PPARGC1A: variants seen among roughly 807,000 people sequenced by gnomAD.
PPARGC1A encodes the protein peroxisome proliferator-activated receptor gamma coactivator 1-alpha.
Under a neutral mutation model 88.7 loss-of-function variants are expected in PPARGC1A, and 25 were observed. That is an observed-to-expected ratio of 0.28 (90% confidence interval 0.21 to 0.39). PPARGC1A has a LOEUF of 0.39. Ranked by LOEUF, PPARGC1A falls within the 10% of genes least tolerant of loss-of-function variation. PPARGC1A has a pLI of 1.00. For synonymous variants in PPARGC1A, 363 were observed against 355.6 expected (o/e 1.02, Z -0.24); for missense variants, 880 against 968.7 (o/e 0.91, Z 1.22).
chr4:23,969,263 T>C, the PPARGC1A span, among the ~76,000 whole-genome samples: 1 of 152,228 alleles, frequency 6.6e-6, no homozygotes, highest in Non-Finnish European at 1.5e-5. Context: ...GAGGGCTTAC[T>C]GTGTACGCTG....
intron 7 of PPARGC1A, among the ~76,000 whole-genome samples, chr4:23,815,421 T>G (rs1721803895): frequency 6.6e-6 from 1 of 152,060 alleles, no homozygotes; most frequent in Non-Finnish European, 1.5e-5. Context: ...CAGCCGACCA[T>G]TTTATATAGA....
At chr4:24,401,082 G>A in the PPARGC1A span, among the ~76,000 whole-genome samples, 1 of 142,340 alleles carries the variant, frequency 7.0e-6, no homozygotes, top group Non-Finnish European at 1.5e-5. Context: ...GCAGTGGCGC[G>A]ATCTTGGCTC....
rs138055487 is a variant in PPARGC1A at position 23,795,291 on chromosome 4, T to TTATATA, written c.*525_*530dup. On this transcript the variant is annotated 3_prime_UTR_variant, in exon 13 of 13. Transcript: ENST00000264867. ...TTGTTAGTTTTCTTTCCTTTTTAAT[T>TTATATA]TATATATATATATATATATATATAT... is the stretch of plus-strand genomic sequence containing the variant. 58 of 26,580 alleles carry TTATATA rather than the reference T, an allele frequency of 2.2e-3. No individual in the cohort carries two copies. The highest frequency in any genetic ancestry group is 4.3e-3 in the Admixed American group (9 of 2,114). 1.6% of individuals were successfully genotyped at this position (26,580 alleles called of 1,614,324 possible).
At chr4:24,403,019 A>G in the PPARGC1A span, among the ~76,000 whole-genome samples, 3 of 152,250 alleles carry the variant, frequency 2.0e-5, no homozygotes, top group Non-Finnish European at 4.4e-5. Flanking sequence ...CAACTGCTGT[A>G]AAGTAAAATT....
At chr4:24,436,339 A>G in the PPARGC1A span, among the ~76,000 whole-genome samples, 1 of 152,242 alleles carries the variant, frequency 6.6e-6, no homozygotes, top group Non-Finnish European at 1.5e-5. Flanking sequence ...TCAGGCTCCA[A>G]TGTGGCTCGA....
the PPARGC1A span, among the ~76,000 whole-genome samples, chr4:24,089,480 TTTTTC>T: frequency 0.048 from 6,216 of 128,740 alleles, 231 homozygotes; most frequent in Middle Eastern, 0.06. Flanking sequence ...CTAGGATGCC[TTTTTC>T]TTTTCTTTTC....
intron 2 of PPARGC1A, among the ~76,000 whole-genome samples, chr4:23,863,877 G>A (rs1731687145): frequency 6.6e-6 from 1 of 152,162 alleles, no homozygotes; most frequent in Non-Finnish European, 1.5e-5. Context: ...TTTCCCAGTA[G>A]CTGGGATTAT....
the PPARGC1A span, among the ~76,000 whole-genome samples, chr4:24,452,299 T>A: frequency 6.9e-6 from 1 of 143,984 alleles, no homozygotes; most frequent in Admixed American, 6.9e-5. Flanking sequence ...ATGCACCCTA[T>A]TCTTGTTGGT....
At chr4:23,929,735 C>T in the PPARGC1A span, among the ~76,000 whole-genome samples, 1 of 152,218 alleles carries the variant, frequency 6.6e-6, no homozygotes, top group African/African-American at 2.4e-5. Context: ...GGTGTTAACA[C>T]TTCAAGTCTG....
At chr4:24,467,238 G>C in the PPARGC1A span, among the ~76,000 whole-genome samples, 1 of 152,172 alleles carries the variant, frequency 6.6e-6, no homozygotes, top group Non-Finnish European at 1.5e-5. Flanking sequence ...ACCCCTAGGA[G>C]AAACCCAAAG....
the PPARGC1A span, among the ~76,000 whole-genome samples, chr4:24,066,815 T>C: frequency 1.3e-5 from 2 of 150,790 alleles, no homozygotes; most frequent in Admixed American, 1.3e-4. Flanking sequence ...TAGACTTCCA[T>C]GGTTTTTTTG....
At chr4:24,430,023 A>C in the PPARGC1A span, among the ~76,000 whole-genome samples, 1 of 152,092 alleles carries the variant, frequency 6.6e-6, no homozygotes, top group Non-Finnish European at 1.5e-5. Flanking sequence ...CTATGTAAGA[A>C]CCTGATGAGG....
intron 1 of PPARGC1A, among the ~76,000 whole-genome samples, chr4:23,887,203 G>GCTCT (rs3836557): frequency 1.7e-4 from 26 of 150,632 alleles, no homozygotes; most frequent in East Asian, 5.9e-4. Context: ...TCGCTCGTGC[G>GCTCT]CTCTCTCTCT....
At chr4:24,052,680 C>G in the PPARGC1A span, among the ~76,000 whole-genome samples, 1 of 151,140 alleles carries the variant, frequency 6.6e-6, no homozygotes, top group Non-Finnish European at 1.5e-5. Context: ...GTCTACATTT[C>G]CAGTGCTCTC....
the PPARGC1A span, among the ~76,000 whole-genome samples, chr4:24,405,124 GAAAAATAAAAT>G: frequency 2.0e-5 from 3 of 152,020 alleles, no homozygotes; most frequent in Non-Finnish European, 4.4e-5. Context: ...CCCCAGGGAT[GAAAAATAAAAT>G]AAAAATAAAA....
At chr4:24,192,671 T>C in the PPARGC1A span, among the ~76,000 whole-genome samples, 1 of 152,248 alleles carries the variant, frequency 6.6e-6, no homozygotes, top group South Asian at 2.1e-4. Flanking sequence ...TGCAAATTAC[T>C]GTACTTCAAT....
At chr4:24,397,434 C>T in the PPARGC1A span, among the ~76,000 whole-genome samples, 2 of 152,194 alleles carry the variant, frequency 1.3e-5, no homozygotes, top group African/African-American at 4.8e-5. Flanking sequence ...TAACTGGGTA[C>T]ATGGCCATTT....
At chr4:23,824,421 C>A (rs754172399) in intron 6 of PPARGC1A, 42 bp downstream of exon 6, 1 of 1,604,280 alleles carries the variant, frequency 6.2e-7, no homozygotes, top group South Asian at 1.1e-5. Context: ...GTATTAGAAC[C>A]CCCTTCCCTT....
the PPARGC1A span, among the ~76,000 whole-genome samples, chr4:23,994,118 C>T: frequency 1.3e-5 from 2 of 152,106 alleles, no homozygotes; most frequent in African/African-American, 4.8e-5. Flanking sequence ...GGATTTGAAT[C>T]CCGGTCACCT....
Sources: gnomAD v4.1 joint callset for allele counts (sites outside exome capture counted in the v4.1 genomes callset) on GRCh38, gnomAD v4.1.1 for gene constraint, MANE v1.5 for transcripts, NCBI Gene and HGNC (gene_info 2026-07-23, HGNC 2026-07-21) for gene names.